The following MARK2 variants were observed in gnomAD, a reference collection of about 807,000 sequenced individuals.
MARK2 encodes the protein serine/threonine-protein kinase MARK2.
In MARK2, 16 loss-of-function variants were observed where a neutral mutation model predicts 89.8. The observed-to-expected ratio is 0.18, with a 90% CI of 0.12 to 0.27. The LOEUF (loss-of-function observed/expected upper bound fraction) is 0.27, where lower values mean the gene tolerates loss of function less well. MARK2 is among the 10% of genes least tolerant of loss of function. The pLI, the probability that MARK2 is intolerant of heterozygous loss-of-function variation, is 1.00. For synonymous variants in MARK2, 382 were observed against 399.5 expected (o/e 0.96, Z 0.52); for missense variants, 621 against 1,049.9 (o/e 0.59, Z 5.65).
intron 1 of MARK2, among the ~76,000 whole-genome samples, chr11:63,892,220 G>T (rs542247295): frequency 1.6e-4 from 24 of 152,278 alleles, no homozygotes; most frequent in African/African-American, 5.8e-4. Context: ...TCTACCAAAT[G>T]CATGGGATCT....
chr11:63,893,521 G>A (rs1444606123), intron 1 of MARK2, among the ~76,000 whole-genome samples: 1 of 151,842 alleles, frequency 6.6e-6, no homozygotes, highest in Non-Finnish European at 1.5e-5. Context: ...CTTGGTTACA[G>A]GTTTTTTGTG....
chr11:63,895,639 C>A lies in MARK2; in HGVS notation c.288+6C>A. Reference sequence around the variant, plus strand: ...ACTCCTCCAGCCTCCAGAAAGTAAGCACATGGCACCTCCTGTCCCTTTTTT... The same window carrying A: ...ACTCCTCCAGCCTCCAGAAAGTAAGAACATGGCACCTCCTGTCCCTTTTTT... On this transcript the variant is annotated splice_donor_region_variant and intron_variant, in intron 3 of 18. Transcript: ENST00000402010. 1 of 1,577,432 alleles carries A rather than the reference C, an allele frequency of 6.3e-7. No individual in the cohort carries two copies. The highest frequency in any genetic ancestry group is 8.7e-7 in the Non-Finnish European group (1 of 1,150,450).
intron 3 of MARK2, among the ~76,000 whole-genome samples, chr11:63,896,527 C>T (rs1354944873): frequency 6.6e-6 from 1 of 152,166 alleles, no homozygotes; most frequent in Non-Finnish European, 1.5e-5. Flanking sequence ...TAGGAGAAGG[C>T]ATGATTCGTG....
At chr11:63,853,744 G>A (rs952761657) in intron 1 of MARK2, among the ~76,000 whole-genome samples, 33 of 152,122 alleles carry the variant, frequency 2.2e-4, no homozygotes, top group Non-Finnish European at 1.5e-5. Flanking sequence ...CATTGTCATG[G>A]TCTTCTTTCC....
At position 63,874,789 on chromosome 11, in the gene MARK2, G is replaced by A. The variant is rs146027361; in HGVS notation, c.55-20370G>A. Reference sequence around the variant, plus strand: ...AACCAGCATCAGCGTTAGATACCACGGTCACTTGACATGGTAGAGCTGTCA... The same window carrying A: ...AACCAGCATCAGCGTTAGATACCACAGTCACTTGACATGGTAGAGCTGTCA... On this transcript the variant is annotated intron_variant, in intron 1 of 18. Transcript: ENST00000402010. Among the ~76,000 whole-genome samples the A allele has an allele frequency of 2.0e-3, 312 of 152,236 alleles. 2 individuals are homozygous for A. Among genetic ancestry groups the A allele is most frequent in the African/African-American group, 7.1e-3 (297 of 41,558 alleles).
rs755857093 is a variant in MARK2 at position 63,908,900 on chromosome 11, G to A, written c.2030G>A (p.Gly677Asp). Residue 677 changes from glycine to aspartate, a missense_variant, in exon 19 of 19, where the codon GGC becomes GAC. By Grantham distance (94) the Gly-to-Asp change is moderately conservative. Coordinates refer to ENST00000402010, the MANE Select transcript of MARK2 (RefSeq NM_001039469.3). The stretch of plus-strand genomic sequence containing the variant: ...AGACCTCACGTGGTGGGCAGTGGCG[G>A]CAACGACAAAGAAAAGGAAGAATTT... ...TLRPHVVGSG[G>D]NDKEKEEFRE... 1.3e-6 allele frequency: 2 copies of A among 1,508,298 alleles called. No homozygotes were observed. Among genetic ancestry groups the A allele is most frequent in the East Asian group, 2.3e-5 (1 of 42,914 alleles). The allele number at this position is 1,508,298 out of a possible 1,614,324, so 93.4% of individuals were successfully genotyped here. A position where few individuals can be genotyped will look rare whatever the true frequency, so the allele number is the denominator to read the frequency against.
chr11:63,855,030 A>G (rs2016771475), intron 1 of MARK2, among the ~76,000 whole-genome samples: 1 of 152,216 alleles, frequency 6.6e-6, no homozygotes, highest in Non-Finnish European at 1.5e-5. Context: ...CATTGTTGCC[A>G]GTGATAAAAT....
chr11:63,877,690 G>C (rs1400619430), intron 1 of MARK2, among the ~76,000 whole-genome samples: 3 of 151,790 alleles, frequency 2.0e-5, no homozygotes, highest in Non-Finnish European at 4.4e-5. Context: ...CAGAGACCCT[G>C]TCTCAAAAAA....
At chr11:63,841,792 T>C (rs548369283) in intron 1 of MARK2, among the ~76,000 whole-genome samples, 1 of 152,360 alleles carries the variant, frequency 6.6e-6, no homozygotes, top group East Asian at 1.9e-4. Context: ...TTCTTTGTGC[T>C]GCTTACTACA....
chr11:63,853,991 G>A (rs1323185802), intron 1 of MARK2, among the ~76,000 whole-genome samples: 1 of 151,992 alleles, frequency 6.6e-6, no homozygotes, highest in Non-Finnish European at 1.5e-5. Context: ...TCCTGCCTCA[G>A]CCTCCCAAGT....
At chr11:63,855,298 C>T (rs918308552) in intron 1 of MARK2, among the ~76,000 whole-genome samples, 1 of 152,136 alleles carries the variant, frequency 6.6e-6, no homozygotes, top group African/African-American at 2.4e-5. Flanking sequence ...GAGGGAGGAT[C>T]GCTTGAGGTC....
At chr11:63,877,509 G>A (rs1426439579) in intron 1 of MARK2, among the ~76,000 whole-genome samples, 1 of 151,842 alleles carries the variant, frequency 6.6e-6, no homozygotes, top group African/African-American at 2.4e-5. Context: ...GAGGAGCTTG[G>A]GCAACATGGT....
rs1941158765 is a variant in MARK2 at position 63,904,439 on chromosome 11, G to A, written c.1676+292G>A. 6.6e-6 allele frequency among the ~76,000 whole-genome samples: 1 copy of A among 152,154 alleles called. No homozygotes were observed. Among genetic ancestry groups the A allele is most frequent in the Admixed American group, 6.5e-5 (1 of 15,280 alleles). ...GGTTTCCTTAGGGACCCCGGGGATA[G>A]TCGGCATCACAGGGACTCAATCCTC... On this transcript the variant is annotated intron_variant, in intron 15 of 18. Coordinates refer to ENST00000402010, the MANE Select transcript of MARK2 (RefSeq NM_001039469.3). This position sits in a 1 kb window ranked among gnomAD's most constrained non-coding sequence, Gnocchi z 6.3.
chr11:63,856,682 C>T (rs2016867693), intron 1 of MARK2, among the ~76,000 whole-genome samples: 1 of 151,276 alleles, frequency 6.6e-6, no homozygotes. Flanking sequence ...CTCGGCCTCC[C>T]AAAGAGCTAG....
chr11:63,861,309 G>C (rs1251577393), intron 1 of MARK2, among the ~76,000 whole-genome samples: 4 of 152,042 alleles, frequency 2.6e-5, no homozygotes, highest in Admixed American at 2.0e-4. Context: ...GGTGGTGGGC[G>C]TCTGTAATCC....
intron 1 of MARK2, among the ~76,000 whole-genome samples, chr11:63,878,755 A>T (rs953130264): frequency 7.2e-5 from 11 of 151,980 alleles, no homozygotes; most frequent in Admixed American, 6.5e-4. Flanking sequence ...GAGAGCAAAG[A>T]TCTGTTCCCG....
At position 63,902,509 on chromosome 11, in the gene MARK2, T is replaced by C. The variant is rs1590695561; in HGVS notation, c.1235-92T>C. ...TCTGTGGAATGGGGGCTTGCTGGGT[T>C]GTTGGCCAGCCCTGTAGGAAATGAG... On this transcript the variant is annotated intron_variant, in intron 12 of 18. Coordinates refer to ENST00000402010, the MANE Select transcript of MARK2 (RefSeq NM_001039469.3). The surrounding 1 kb of genome is among the most constrained non-coding windows in gnomAD (Gnocchi z 4.2). 1 of 1,420,902 alleles carries C rather than the reference T, an allele frequency of 7.0e-7. No homozygotes were observed. Among genetic ancestry groups the C allele is most frequent in the Non-Finnish European group, 9.7e-7 (1 of 1,029,040 alleles). The allele number at this position is 1,420,902 out of a possible 1,614,324, so 88.0% of individuals were successfully genotyped here.
intron 17 of MARK2, 31 bp downstream of exon 17, chr11:63,906,145 G>GTT: frequency 7.7e-7 from 1 of 1,297,226 alleles, no homozygotes; most frequent in Non-Finnish European, 9.8e-7. Flanking sequence ...GTGTGTGTGT[G>GTT]TGTGTGTGTG....
chr11:63,882,126 T>A (rs1939125355), intron 1 of MARK2, among the ~76,000 whole-genome samples: 1 of 152,110 alleles, frequency 6.6e-6, no homozygotes, highest in Non-Finnish European at 1.5e-5. Flanking sequence ...ATGACCACTT[T>A]CCTTTTAGTA....
Sources: gnomAD v4.1 joint callset for allele counts (sites outside exome capture counted in the v4.1 genomes callset) on GRCh38, gnomAD v4.1.1 for gene constraint, Gnocchi (gnomAD v3.1) non-coding constraint, MANE v1.5 for transcripts, NCBI Gene and HGNC (gene_info 2026-07-23, HGNC 2026-07-21) for gene names.